AKAP9: variants seen among roughly 807,000 people sequenced by gnomAD.
AKAP9 encodes A-kinase anchoring protein 9.
In AKAP9, 311 loss-of-function variants were observed where a neutral mutation model predicts 488.5. That is an observed-to-expected ratio of 0.64 (90% CI 0.58 to 0.70). The LOEUF (loss-of-function observed/expected upper bound fraction) is 0.70, where lower values mean the gene tolerates loss of function less well. Among genes scored for constraint, AKAP9 ranks in the 30% least tolerant of loss-of-function variants. The probability of loss-of-function intolerance (pLI) is 0.00; values close to 1 mark genes in which losing one functional copy is unlikely to be tolerated. For missense variants in AKAP9, 4,215 were observed against 4,374.5 expected, an observed-to-expected ratio of 0.96 and a Z score of 1.03; for synonymous variants, 1,462 against 1,483.5, an observed-to-expected ratio of 0.99 and a Z score of 0.33.
chr7:92,054,886 T>C (rs1808532242), intron 22 of AKAP9, among the ~76,000 whole-genome samples: 1 of 152,012 alleles, frequency 6.6e-6, no homozygotes, highest in African/African-American at 2.4e-5. Context: ...AGAGGTAATC[T>C]CTTTAACACA....
intron 14 of AKAP9, among the ~76,000 whole-genome samples, chr7:92,029,464 T>C (rs1368002245): frequency 6.6e-6 from 1 of 152,186 alleles, no homozygotes; most frequent in African/African-American, 2.4e-5. Context: ...AAGTCATTAA[T>C]ATATCTTAGA....
chr7:92,052,827 C>T lies in AKAP9; in HGVS notation c.5470C>T (p.Arg1824Ter), dbSNP rs1371453011. 3.1e-6 allele frequency: 5 copies of T among 1,613,646 alleles called. No homozygotes were observed. The highest frequency in any genetic ancestry group is 4.2e-6 in the Non-Finnish European group (5 of 1,179,716). Residue 1824 changes from arginine to a stop codon, truncating the protein, a stop_gained, in exon 22 of 50, where the codon CGA becomes TGA. Coordinates refer to ENST00000356239, the MANE Select transcript of AKAP9 (RefSeq NM_005751.5). LOFTEE classifies it high-confidence loss of function. The part of the protein sequence containing the change: ...VTEEGTELSQ[R>*]LVRSGFAGTE... ...TGAGGAAGGAACAGAGCTGTCACAA[C>T]GACTTGTGAGGAGTGGTTTTGCTGG...
intron 21 of AKAP9, among the ~76,000 whole-genome samples, chr7:92,045,834 T>C (rs1294247608): frequency 7.0e-6 from 1 of 141,982 alleles, no homozygotes; most frequent in East Asian, 2.0e-4. Flanking sequence ...CCGTTTCTTT[T>C]TTTTTTTTTT....
At chr7:92,077,639 G>A in intron 29 of AKAP9, 57 bp from the exon 30 acceptor site, 2 of 1,444,050 alleles carry the variant, frequency 1.4e-6, no homozygotes, top group Non-Finnish European at 1.9e-6. Context: ...TTGTAATTAT[G>A]TTCTGAAAAT....
intron 1 of AKAP9, among the ~76,000 whole-genome samples, chr7:91,946,576 G>C (rs1336555437): frequency 6.6e-6 from 1 of 152,102 alleles, no homozygotes; most frequent in Non-Finnish European, 1.5e-5. Flanking sequence ...ATTTCACCAT[G>C]TTGCCCAGGC....
At chr7:92,096,445 C>T (rs367739176) in intron 40 of AKAP9, among the ~76,000 whole-genome samples, 19 of 151,904 alleles carry the variant, frequency 1.3e-4, no homozygotes, top group Admixed American at 7.2e-4. Flanking sequence ...AGCAATTCGC[C>T]TGCCTCAGCC....
Position 92,002,531 on chromosome 7 carries a change from C to G in AKAP9, c.2614C>G (p.Leu872Val). 6.2e-7 allele frequency: 1 copy of G among 1,610,292 alleles called. No individual in the cohort carries two copies. Among genetic ancestry groups the G allele is most frequent in the Non-Finnish European group, 8.5e-7 (1 of 1,178,518 alleles). Reference protein sequence around the residue: ...QELQEEYACLLKVKDDLEDSK... With the variant: ...QELQEEYACLVKVKDDLEDSK... Reference sequence around the variant, plus strand: ...GTTACAAGAGGAGTATGCTTGCCTTCTCAAAGTAAAAGATGATTTAGAAGA... The same window carrying G: ...GTTACAAGAGGAGTATGCTTGCCTTGTCAAAGTAAAAGATGATTTAGAAGA... Residue 872 changes from leucine (L) to valine (V), a missense_variant, in exon 8 of 50, where the codon CTC (leucine) becomes GTC (valine). Transcript: ENST00000356239.
At chr7:92,012,232 A>G (rs1024155400) in intron 8 of AKAP9, among the ~76,000 whole-genome samples, 197 bp from the exon 9 acceptor site, 1 of 152,218 alleles carries the variant, frequency 6.6e-6, no homozygotes, top group Non-Finnish European at 1.5e-5. Context: ...TATAAAACTG[A>G]GGTAATGAAA....
intron 21 of AKAP9, among the ~76,000 whole-genome samples, chr7:92,046,848 A>C (rs1807092092): frequency 6.6e-6 from 1 of 152,180 alleles, no homozygotes; most frequent in South Asian, 2.1e-4. Flanking sequence ...TGCTGGTAAG[A>C]CCTAGACCAG....
chr7:92,023,368 A>G (rs1802606512), intron 14 of AKAP9, among the ~76,000 whole-genome samples: 1 of 152,208 alleles, frequency 6.6e-6, no homozygotes, highest in African/African-American at 2.4e-5. Flanking sequence ...AGGTAGGATC[A>G]TTCCAGTCAT....
chr7:92,015,520 C>T lies in AKAP9; in HGVS notation c.3613-609C>T, dbSNP rs144893835. On this transcript the variant is annotated intron_variant, in intron 10 of 49. Transcript: ENST00000356239. ...CTGGGATGACAGATGCACACCACCA[C>T]GCCCAGCTAATTTTTGTATTTTTAG... Among the ~76,000 whole-genome samples the T allele has an allele frequency of 6.2e-3, 941 of 152,040 alleles. 36 individuals carry two copies. Among genetic ancestry groups the T allele is most frequent in the Admixed American group, 0.048 (729 of 15,266 alleles).
chr7:91,959,288 T>C (rs970026434), intron 1 of AKAP9, among the ~76,000 whole-genome samples: 4 of 151,974 alleles, frequency 2.6e-5, no homozygotes, highest in Non-Finnish European at 5.9e-5. Flanking sequence ...AATTTTAATT[T>C]TATTATTACT....
intron 38 of AKAP9, chr7:92,089,843 A>C: frequency 5.2e-6 from 1 of 193,654 alleles, no homozygotes; most frequent in Non-Finnish European, 1.1e-5. Flanking sequence ...AACAGAAAAT[A>C]CTCTTTAGAG....
chr7:92,008,560 G>T (rs1469102867), intron 8 of AKAP9, among the ~76,000 whole-genome samples: 6 of 150,218 alleles, frequency 4.0e-5, no homozygotes, highest in Non-Finnish European at 8.9e-5. Flanking sequence ...GGTGGCATGC[G>T]CCTGTAATTC....
chr7:92,027,992 C>T (rs1460080404), intron 14 of AKAP9, among the ~76,000 whole-genome samples: 4 of 151,794 alleles, frequency 2.6e-5, no homozygotes, highest in Non-Finnish European at 4.4e-5. Flanking sequence ...ATAACCTTAC[C>T]CCCAACCCCG....
chr7:92,049,384 G>A (rs1253220222), intron 21 of AKAP9, among the ~76,000 whole-genome samples: 5 of 152,072 alleles, frequency 3.3e-5, no homozygotes, highest in Non-Finnish European at 7.4e-5. Context: ...GGCTGAGGTG[G>A]GTGGATCACA....
intron 8 of AKAP9, among the ~76,000 whole-genome samples, chr7:92,009,174 G>T (rs1800348889): frequency 6.6e-6 from 1 of 151,780 alleles, no homozygotes; most frequent in South Asian, 2.1e-4. Context: ...TAAAAAATCA[G>T]CCAGATGTCT....
At position 91,949,141 on chromosome 7, in the gene AKAP9, A is replaced by G. The variant is rs571473908; in HGVS notation, c.48+7994A>G. The stretch of plus-strand genomic sequence containing the variant: ...TACCAACTTCTTTTATCTAATATTA[A>G]TTATATATGTATATAAAATATATAT... On this transcript the variant is annotated intron_variant, in intron 1 of 49. Transcript: ENST00000356239. Among the ~76,000 whole-genome samples the G allele has an allele frequency of 3.0e-4, 46 of 151,808 alleles. 2 individuals are homozygous for G. The highest frequency in any genetic ancestry group is 1.7e-3 in the South Asian group (8 of 4,820).
At chr7:91,993,128 C>T in intron 5 of AKAP9, 73 bp downstream of exon 5, 1 of 1,514,076 alleles carries the variant, frequency 6.6e-7, no homozygotes, top group South Asian at 1.2e-5. Flanking sequence ...TAATAGTAGT[C>T]TTTAAAGATG....
Sources: allele counts gnomAD v4.1 joint callset (sites outside exome capture counted in the v4.1 genomes callset), GRCh38; gene constraint gnomAD v4.1.1; transcripts MANE v1.5; gene names NCBI Gene and HGNC (gene_info 2026-07-23, HGNC 2026-07-21).